GNS: variants seen among roughly 807,000 people sequenced by gnomAD.
GNS encodes the protein glucosamine (N-acetyl)-6-sulfatase, also known as N-acetylglucosamine-6-sulfatase.
GNS carries 40 observed loss-of-function variants against 69.7 expected under a neutral mutation model. That is an observed-to-expected ratio of 0.57 (90% CI 0.45 to 0.75). GNS has a LOEUF of 0.75. Ranked by LOEUF, GNS falls within the 30% of genes least tolerant of loss-of-function variation. The pLI, the probability that GNS is intolerant of heterozygous loss-of-function variation, is 0.00. For synonymous variants in GNS, 243 were observed against 251.6 expected (o/e 0.97, Z 0.32); for missense variants, 565 against 685.5 (o/e 0.82, Z 1.96).
chr12:64,745,898 G>A (rs1340124889), intron 3 of GNS, 174 bp from the exon 4 acceptor site: 61 of 609,404 alleles, frequency 1.0e-4, no homozygotes, highest in Non-Finnish European at 2.9e-6. Flanking sequence ...AACTTCTAAA[G>A]CAGGAGTTGG....
intron 1 of GNS, among the ~76,000 whole-genome samples, chr12:64,753,336 G>A (rs572171648): frequency 2.0e-5 from 3 of 152,132 alleles, no homozygotes; most frequent in African/African-American, 7.2e-5. Flanking sequence ...CAGGCAAAAG[G>A]CTACTCAGAA....
intron 10 of GNS, among the ~76,000 whole-genome samples, chr12:64,725,387 G>A (rs1451065888): frequency 6.6e-6 from 1 of 152,312 alleles, no homozygotes; most frequent in East Asian, 1.9e-4. Flanking sequence ...ACAGGTTGTA[G>A]TCTGCCAACT....
intron 7 of GNS, among the ~76,000 whole-genome samples, chr12:64,740,195 T>A (rs923168019): frequency 3.9e-5 from 6 of 152,274 alleles, no homozygotes; most frequent in African/African-American, 1.2e-4. Context: ...AATGGATTTT[T>A]AAAAATTGAC....
rs556274387 is a variant in GNS at position 64,716,488 on chromosome 12, A to G, written c.*253T>C. ...GGATAAAAAGAATACAGTGAGAACA[A>G]AGACCTCAGGAGTGTCCTTGTCAGC... On this transcript the variant is annotated 3_prime_UTR_variant, in exon 14 of 14. Transcript: ENST00000258145. 1.9e-6 allele frequency: 1 copy of G among 535,926 alleles called. No individual in the cohort carries two copies. The highest frequency in any genetic ancestry group is 1.9e-5 in the African/African-American group (1 of 52,560). The allele number at this position is 535,926 out of a possible 1,614,324, so 33.2% of individuals were successfully genotyped here.
chr12:64,738,433 G>A (rs959706757), intron 8 of GNS, among the ~76,000 whole-genome samples: 2 of 152,192 alleles, frequency 1.3e-5, no homozygotes, highest in Non-Finnish European at 2.9e-5. Context: ...GGGAGAGTAG[G>A]AAGAATTCAA....
In GNS at chr12:64,728,967, A is replaced by G. The variant is rs773031063; in HGVS notation, c.1189T>C (p.Leu397=). 41 of 1,538,850 alleles carry G rather than the reference A, an allele frequency of 2.7e-5. No homozygotes were observed. The Middle Eastern group carries it at 8.4e-4, about 32-fold the overall frequency. Residue 397 remains leucine, a synonymous_variant, in exon 10 of 14, where the codon TTG becomes CTG. Transcript: ENST00000258145. ...GGCGCTATACTTACCAAAATGGGCA[A>G]TAAGGACATCCCATCCATCTGTGTC... is the stretch of plus-strand genomic sequence containing the variant. The part of the protein sequence containing the change: ...NKTQMDGMSL[L]PILRGASNLT...
chr12:64,739,624 AAAC>A (rs1369104128), intron 7 of GNS, 125 bp from the exon 8 acceptor site: 28 of 652,142 alleles, frequency 4.3e-5, no homozygotes, highest in Non-Finnish European at 6.8e-5. Context: ...AAAAAATCCA[AAAC>A]AACCCCCGTT....
intron 11 of GNS, among the ~76,000 whole-genome samples, chr12:64,722,058 CTT>C (rs1157745459): frequency 6.6e-6 from 1 of 150,442 alleles, no homozygotes; most frequent in Admixed American, 6.6e-5. Context: ...GAGTTTTGCT[CTT>C]GTCGTGCAGG....
At position 64,717,028 on chromosome 12, in the gene GNS, G is replaced by A. The variant is rs10878206; in HGVS notation, c.1581-209C>T. On this transcript the variant is annotated intron_variant, in intron 13 of 13. Transcript: ENST00000258145. ...GCACACACAAAGTCACACAGTGCAA[G>A]TCAAGAGGAGAAAAACAAGTAGGTT... 0.06 allele frequency among the ~76,000 whole-genome samples: 9,162 copies of A among 152,232 alleles called. 704 individuals carry two copies. The highest frequency in any genetic ancestry group is 0.18 in the African/African-American group (7,514 of 41,516).
chr12:64,722,961 T>C (rs763761577), intron 11 of GNS, 45 bp downstream of exon 11: 1 of 1,120,236 alleles, frequency 8.9e-7, no homozygotes, highest in South Asian at 1.2e-5. Flanking sequence ...CCTTGCCATG[T>C]TGTCAGTGAG....
chr12:64,752,899 T>C lies in GNS; in HGVS notation c.193-142A>G, dbSNP rs1405254282. On this transcript the variant is annotated intron_variant, in intron 1 of 13. Transcript: ENST00000258145. ...TAAGCAACAGCCAAAGAGAGTCTTG[T>C]ATGATTCTAGAGACAAGTTTGGTTC... is the stretch of plus-strand genomic sequence containing the variant. 1.5e-5 allele frequency: 10 copies of C among 658,964 alleles called. No individual in the cohort carries two copies. The East Asian group carries it at 2.7e-4, about 18-fold the overall frequency. 40.8% of individuals were successfully genotyped at this position (658,964 alleles called of 1,614,324 possible).
chr12:64,714,600 G>A lies in GNS; in HGVS notation c.*2141C>T, dbSNP rs1868804478. 1.3e-5 allele frequency: 2 copies of A among 152,200 alleles called. No homozygotes were observed. The highest frequency in any genetic ancestry group is 4.1e-4 in the South Asian group (2 of 4,834). 9.4% of individuals were successfully genotyped at this position (152,200 alleles called of 1,614,324 possible). A position where few individuals can be genotyped will look rare whatever the true frequency, so the allele number is the denominator to read the frequency against. ...GGCTGCACCACATCCTACCACGCAA[G>A]CACACCCACTGAACTGAGTAAGAGT... is the stretch of plus-strand genomic sequence containing the variant. On this transcript the variant is annotated 3_prime_UTR_variant, in exon 14 of 14. Coordinates refer to ENST00000258145, the MANE Select transcript of GNS (RefSeq NM_002076.4).
Position 64,715,853 on chromosome 12 carries a change from C to T in GNS, c.*888G>A, listed in dbSNP as rs1441211328. 6.6e-6 allele frequency: 1 copy of T among 152,246 alleles called. No individual in the cohort carries two copies. The highest frequency in any genetic ancestry group is 1.5e-5 in the Non-Finnish European group (1 of 68,060). The allele number at this position is 152,246 out of a possible 1,614,324, so 9.4% of individuals were successfully genotyped here. On this transcript the variant is annotated 3_prime_UTR_variant, in exon 14 of 14. Transcript: ENST00000258145. ...CTTGTCTGTTCAAGAGCCCTGTCTTCAGAAGGCCCTCGGAAGAGACAACCT... is the reference window on the plus strand; with the variant it reads ...CTTGTCTGTTCAAGAGCCCTGTCTTTAGAAGGCCCTCGGAAGAGACAACCT...
At chr12:64,741,388 C>A (rs1415331869) in intron 6 of GNS, among the ~76,000 whole-genome samples, 3 of 151,686 alleles carry the variant, frequency 2.0e-5, no homozygotes, top group African/African-American at 7.3e-5. Flanking sequence ...CGGGTTCATG[C>A]GATTTTCATG....
At chr12:64,724,605 C>G (rs1287543761) in intron 10 of GNS, among the ~76,000 whole-genome samples, 1 of 152,170 alleles carries the variant, frequency 6.6e-6, no homozygotes, top group African/African-American at 2.4e-5. Context: ...CGCCTGTAAT[C>G]CCAGCACTTC....
At chr12:64,742,341 G>A (rs1356775476) in intron 6 of GNS, among the ~76,000 whole-genome samples, 1 of 152,200 alleles carries the variant, frequency 6.6e-6, no homozygotes, top group Admixed American at 6.5e-5. Context: ...TTAAAACACA[G>A]TTCACTCAGC....
rs2136235293 is a variant in GNS, at chr12:64,716,777, A to G, written c.1623T>C (p.Ser541=). The G allele has an allele frequency of 3.1e-6, 5 of 1,613,678 alleles. No individual in the cohort carries two copies. The highest frequency in any genetic ancestry group is 1.1e-5 in the South Asian group (1 of 91,072). The change falls in exon 14 of 14, where the codon AGT becomes AGC. Residue 541 remains serine (S), a synonymous_variant. Coordinates refer to ENST00000258145, the MANE Select transcript of GNS (RefSeq NM_002076.4). The part of the protein sequence containing the change: ...DPRLMFSNRG[S]VRTRRFSKHL... ...GTTTGGAAAATCTTCGAGTCCTGAC[A>G]CTGCCGCGATTGCTGAACATGAGAC...
intron 9 of GNS, among the ~76,000 whole-genome samples, chr12:64,733,786 T>A (rs924975787): frequency 2.0e-5 from 3 of 152,246 alleles, no homozygotes; most frequent in Non-Finnish European, 4.4e-5. Context: ...CCTGGGACGG[T>A]GCTGTGTCAT....
At chr12:64,752,912 A>C in intron 1 of GNS, 155 bp from the exon 2 acceptor site, 1 of 642,880 alleles carries the variant, frequency 1.6e-6, no homozygotes, top group Non-Finnish European at 2.8e-6. Flanking sequence ...GATTCTAGAG[A>C]CAAGTTTGGT....
Sources: gnomAD v4.1 joint callset for allele counts (sites outside exome capture counted in the v4.1 genomes callset) on GRCh38, gnomAD v4.1.1 for gene constraint, MANE v1.5 for transcripts, NCBI Gene and HGNC (gene_info 2026-07-23, HGNC 2026-07-21) for gene names.